Variants in SLIT3 observed in about 807,000 individuals in gnomAD.
SLIT3 encodes slit guidance ligand 3, also known as slit homolog 3 protein.
SLIT3 carries 68 observed loss-of-function variants against 184.0 expected under a neutral mutation model. That is an observed-to-expected ratio of 0.37 (90% CI 0.30 to 0.45). The LOEUF is 0.45. Ranked by LOEUF, SLIT3 falls within the 20% of genes least tolerant of loss-of-function variation. The probability of loss-of-function intolerance (pLI) is 1.00; values close to 1 mark genes in which losing one functional copy is unlikely to be tolerated. For synonymous variants in SLIT3, 831 were observed against 828.6 expected, an observed-to-expected ratio of 1.00 and a Z score of -0.05; for missense variants, 1,707 against 2,026.0, an observed-to-expected ratio of 0.84 and a Z score of 3.02.
At chr5:169,236,756 C>T (rs1201431765) in intron 3 of SLIT3, among the ~76,000 whole-genome samples, 4 of 152,150 alleles carry the variant, frequency 2.6e-5, no homozygotes, top group African/African-American at 7.2e-5. Flanking sequence ...AGGTGTGAGC[C>T]ACCACACCCA....
chr5:168,797,449 T>C (rs371137362), intron 9 of SLIT3, among the ~76,000 whole-genome samples: 1 of 152,224 alleles, frequency 6.6e-6, no homozygotes, highest in Non-Finnish European at 1.5e-5. Flanking sequence ...GAGGATCCAC[T>C]GCTCCCAACT....
intron 1 of SLIT3, among the ~76,000 whole-genome samples, chr5:169,291,280 A>T (rs1767355638): frequency 6.6e-6 from 1 of 152,186 alleles, no homozygotes; most frequent in Non-Finnish European, 1.5e-5. Context: ...CCGACATTTG[A>T]GTAGATGCTT....
At chr5:169,211,276 A>G (rs1764256796) in intron 3 of SLIT3, among the ~76,000 whole-genome samples, 1 of 152,150 alleles carries the variant, frequency 6.6e-6, no homozygotes. Flanking sequence ...AGGAGGAGGG[A>G]TTGGGGTCTC....
chr5:169,274,511 T>A (rs1766736590), intron 1 of SLIT3, among the ~76,000 whole-genome samples: 1 of 152,134 alleles, frequency 6.6e-6, no homozygotes, highest in African/African-American at 2.4e-5. Context: ...ATAAATGATC[T>A]CCAACACTAG....
intron 1 of SLIT3, among the ~76,000 whole-genome samples, chr5:169,290,412 AGGGCATACACTG>A (rs1339549975): frequency 4.0e-5 from 6 of 151,140 alleles, no homozygotes; most frequent in African/African-American, 1.2e-4. Context: ...GGCACACACT[AGGGCATACACTG>A]GGGCACACAC....
chr5:168,700,785 G>C, intron 26 of SLIT3, 106 bp from the exon 27 acceptor site: 1 of 811,768 alleles, frequency 1.2e-6, no homozygotes, highest in Admixed American at 2.1e-5. Flanking sequence ...AGGCTGGGGA[G>C]ATGACAACAA....
chr5:169,026,318 G>T (rs531525599), intron 4 of SLIT3: 5 of 152,312 alleles, frequency 3.3e-5, no homozygotes, highest in African/African-American at 1.2e-4. Context: ...TAGGAGAACT[G>T]CAATCCAAGC....
At chr5:168,805,325 AGAGGAG>A (rs1023303904) in intron 9 of SLIT3, among the ~76,000 whole-genome samples, 2 of 152,006 alleles carry the variant, frequency 1.3e-5, no homozygotes, top group East Asian at 3.9e-4. Flanking sequence ...AGGAGGGGGA[AGAGGAG>A]GAGGAGGAAG....
chr5:169,131,371 C>G (rs1473146183), intron 4 of SLIT3, among the ~76,000 whole-genome samples: 1 of 152,192 alleles, frequency 6.6e-6, no homozygotes, highest in South Asian at 2.1e-4. Context: ...AGACCACCTA[C>G]TGAATTCTGA....
chr5:169,005,416 A>G (rs751391121), intron 4 of SLIT3, among the ~76,000 whole-genome samples: 1 of 152,178 alleles, frequency 6.6e-6, no homozygotes, highest in Non-Finnish European at 1.5e-5. Flanking sequence ...TGCATGTAAC[A>G]TGTATAGGAG....
Position 169,256,584 on chromosome 5 carries a change from G to A in SLIT3, c.198-5125C>T, listed in dbSNP as rs188856628. 9.9e-4 allele frequency among the ~76,000 whole-genome samples: 151 copies of A among 152,310 alleles called. 1 individual carries two copies. Among genetic ancestry groups the A allele is most frequent in the African/African-American group, 3.5e-3 (144 of 41,576 alleles). On this transcript the variant is annotated intron_variant, in intron 1 of 35. Transcript: ENST00000519560. ...ACCAAAGTGACCACTGTGTCTTAAC[G>A]CATGAAGTTTTGGGGTGATTCATTT...
At chr5:169,262,494 C>T (rs775500237) in intron 1 of SLIT3, among the ~76,000 whole-genome samples, 9 of 152,144 alleles carry the variant, frequency 5.9e-5, no homozygotes, top group South Asian at 2.1e-4. Flanking sequence ...AGCAGAGTGA[C>T]ACCAAATGGG....
chr5:168,885,814 C>A (rs2113796906), intron 4 of SLIT3, among the ~76,000 whole-genome samples: 1 of 152,280 alleles, frequency 6.6e-6, no homozygotes, highest in South Asian at 2.1e-4. Context: ...TTTGAGTAGA[C>A]AACATCCCAT....
chr5:168,688,971 A>G (rs1195828077), intron 29 of SLIT3, among the ~76,000 whole-genome samples: 1 of 152,252 alleles, frequency 6.6e-6, no homozygotes, highest in East Asian at 1.9e-4. Context: ...ATCTTTATTA[A>G]GAATTAGGGA....
At chr5:168,724,688 G>C (rs757997323) in intron 20 of SLIT3, among the ~76,000 whole-genome samples, 1 of 151,870 alleles carries the variant, frequency 6.6e-6, no homozygotes, top group Non-Finnish European at 1.5e-5. Flanking sequence ...TTCTCCACTG[G>C]ACTTATACAT....
At chr5:169,279,722 G>T in intron 1 of SLIT3, among the ~76,000 whole-genome samples, 1 of 152,126 alleles carries the variant, frequency 6.6e-6, no homozygotes, top group South Asian at 2.1e-4. Flanking sequence ...AATGCTTAGT[G>T]GTTGACAAGG....
intron 11 of SLIT3, among the ~76,000 whole-genome samples, chr5:168,788,840 A>G (rs1410561261): frequency 6.6e-6 from 1 of 152,164 alleles, no homozygotes; most frequent in Non-Finnish European, 1.5e-5. Context: ...TTACTGTTTT[A>G]CTGTACACGT....
intron 25 of SLIT3, 43 bp from the exon 26 acceptor site, chr5:168,708,143 G>T: frequency 1.2e-6 from 2 of 1,613,726 alleles, no homozygotes; most frequent in South Asian, 2.2e-5. Context: ...TCCTGAGTGC[G>T]CTCACTGCCA....
chr5:169,118,484 G>C lies in SLIT3; in HGVS notation c.413+74995C>G, dbSNP rs148542600. On this transcript the variant is annotated intron_variant, in intron 4 of 35. Coordinates refer to ENST00000519560, the MANE Select transcript of SLIT3 (RefSeq NM_003062.4). ...AAAGGCCAGGTGAGACCAAGAAAGC[G>C]AAAGAAAATTTTGAGTTACTGGTTT... Among the ~76,000 whole-genome samples, 816 of 152,304 alleles carry C rather than the reference G, an allele frequency of 5.4e-3. 6 individuals are homozygous for C. Among genetic ancestry groups the C allele is most frequent in the African/African-American group, 0.018 (766 of 41,574 alleles).
Sources: allele counts gnomAD v4.1 joint callset (sites outside exome capture counted in the v4.1 genomes callset), GRCh38; gene constraint gnomAD v4.1.1; transcripts MANE v1.5; gene names NCBI Gene and HGNC (gene_info 2026-07-23, HGNC 2026-07-21).